Variants in RABGEF1 observed in about 807,000 individuals in gnomAD.
The protein encoded by RABGEF1 is rab5 GDP/GTP exchange factor.
A neutral mutation model predicts 57.3 loss-of-function variants in RABGEF1; 26 were observed. That is an observed-to-expected ratio of 0.45 (90% CI 0.33 to 0.63). The LOEUF is 0.63. RABGEF1 is among the 20% of genes least tolerant of loss of function. The pLI, the probability that RABGEF1 is intolerant of heterozygous loss-of-function variation, is 0.02. For synonymous variants in RABGEF1, 185 were observed against 210.7 expected, an observed-to-expected ratio of 0.88 and a Z score of 1.06; for missense variants, 464 against 607.6, an observed-to-expected ratio of 0.76 and a Z score of 2.48.
At chr7:66,734,652 C>T (rs1297553653) in intron 2 of RABGEF1, among the ~76,000 whole-genome samples, 2 of 148,092 alleles carry the variant, frequency 1.4e-5, no homozygotes, top group African/African-American at 2.5e-5. Flanking sequence ...AGGCTGGTCT[C>T]GAACTCCTGA....
rs190683931 is a variant in RABGEF1 at position 66,788,824 on chromosome 7, G to A, written c.513+4983G>A. 5.9e-4 allele frequency among the ~76,000 whole-genome samples: 90 copies of A among 152,038 alleles called. 2 individuals are homozygous for A. The East Asian group carries it at 0.016, about 27-fold the overall frequency. Reference sequence around the variant, plus strand: ...CAAAAAATTAGCTGGGCGTGGTGGCGGGTGCCTGTAATCCCAGCTACTAGG... The same window carrying A: ...CAAAAAATTAGCTGGGCGTGGTGGCAGGTGCCTGTAATCCCAGCTACTAGG... On this transcript the variant is annotated intron_variant, in intron 4 of 8. Transcript: ENST00000284957.
intron 1 of RABGEF1, among the ~76,000 whole-genome samples, chr7:66,685,326 T>C (rs1324180669): frequency 6.6e-6 from 1 of 151,932 alleles, no homozygotes; most frequent in East Asian, 1.9e-4. Flanking sequence ...GCTAATTACT[T>C]CTGTCTTGTA....
At chr7:66,798,865 G>A (rs1786646965) in intron 6 of RABGEF1, among the ~76,000 whole-genome samples, 1 of 152,206 alleles carries the variant, frequency 6.6e-6, no homozygotes, top group African/African-American at 2.4e-5. Flanking sequence ...GGGAGCCTGA[G>A]GCAGGAGAAT....
At chr7:66,658,976 C>T in the RABGEF1 span, among the ~76,000 whole-genome samples, 2 of 152,038 alleles carry the variant, frequency 1.3e-5, no homozygotes, top group Non-Finnish European at 2.9e-5. Flanking sequence ...ACCTCATGAT[C>T]CGCCTGCCTT....
intron 2 of RABGEF1, among the ~76,000 whole-genome samples, chr7:66,732,570 T>C (rs1276242481): frequency 1.3e-5 from 2 of 152,022 alleles, no homozygotes; most frequent in Admixed American, 6.6e-5. Context: ...GGGTGTCTCA[T>C]CTCAGCAGGT....
At chr7:66,718,085 GGT>G (rs1410444592) in intron 2 of RABGEF1, among the ~76,000 whole-genome samples, 11 of 152,094 alleles carry the variant, frequency 7.2e-5, no homozygotes, top group Non-Finnish European at 1.3e-4. Flanking sequence ...GGCCAGGCAT[GGT>G]GGCCCAGCAC....
chr7:66,678,224 C>T (rs1223786343), upstream of RABGEF1, among the ~76,000 whole-genome samples: 1 of 152,116 alleles, frequency 6.6e-6, no homozygotes, highest in Non-Finnish European at 1.5e-5. Flanking sequence ...CCTGCCCCTC[C>T]CATCCTGCTG....
upstream of RABGEF1, among the ~76,000 whole-genome samples, chr7:66,681,754 CAG>C (rs1244010224): frequency 5.9e-5 from 9 of 152,196 alleles, no homozygotes; most frequent in Non-Finnish European, 1.2e-4. Flanking sequence ...AGGACTGAAA[CAG>C]AGTTTCTGAA....
At chr7:66,753,700 C>CTTTTTTTTTTT (rs1562788670) in intron 1 of RABGEF1, among the ~76,000 whole-genome samples, 22 of 78,540 alleles carry the variant, frequency 2.8e-4, no homozygotes, top group South Asian at 1.2e-3. Context: ...ATTTTGCCAT[C>CTTTTTTTTTTT]GTTTTTTTTT....
chr7:66,769,275 T>C (rs1484659406), intron 1 of RABGEF1, among the ~76,000 whole-genome samples: 2 of 152,346 alleles, frequency 1.3e-5, no homozygotes, highest in East Asian at 1.9e-4. Flanking sequence ...CCAGATTTGA[T>C]AGCTGGATGA....
At chr7:66,675,646 T>A in the RABGEF1 span, among the ~76,000 whole-genome samples, 1 of 152,136 alleles carries the variant, frequency 6.6e-6, no homozygotes, top group African/African-American at 2.4e-5. Flanking sequence ...ATAAAATTTT[T>A]CATGAACGAT....
chr7:66,792,690 A>T (rs1448959497), intron 4 of RABGEF1, among the ~76,000 whole-genome samples: 1 of 152,230 alleles, frequency 6.6e-6, no homozygotes, highest in African/African-American at 2.4e-5. Context: ...CTTTGCTCAC[A>T]GATAGGTAGA....
At chr7:66,794,669 A>G (rs1813584825) in intron 4 of RABGEF1, among the ~76,000 whole-genome samples, 1 of 152,200 alleles carries the variant, frequency 6.6e-6, no homozygotes, top group African/African-American at 2.4e-5. Flanking sequence ...GTGGCTAGCA[A>G]TAGATACTTA....
intron 1 of RABGEF1, among the ~76,000 whole-genome samples, chr7:66,705,604 A>G (rs960007113): frequency 2.6e-5 from 4 of 152,048 alleles, no homozygotes; most frequent in African/African-American, 7.2e-5. Context: ...AATTGCTTCA[A>G]TTATCTTTTA....
At chr7:66,741,036 G>A (rs890070791) in intron 1 of RABGEF1, among the ~76,000 whole-genome samples, 1 of 152,144 alleles carries the variant, frequency 6.6e-6, no homozygotes, top group Non-Finnish European at 1.5e-5. Flanking sequence ...CTCCGTCCCA[G>A]ACGCTAGTTG....
chr7:66,804,924 A>G (rs1423295350), intron 7 of RABGEF1, among the ~76,000 whole-genome samples: 7 of 152,082 alleles, frequency 4.6e-5, no homozygotes, highest in Non-Finnish European at 8.8e-5. Context: ...GATTAGAGAA[A>G]TGTGCTTGTA....
intron 4 of RABGEF1, among the ~76,000 whole-genome samples, chr7:66,785,066 G>A (rs1810845410): frequency 6.6e-6 from 1 of 152,128 alleles, no homozygotes; most frequent in Non-Finnish European, 1.5e-5. Flanking sequence ...TGTATAATAT[G>A]TTTTAGAAAA....
the RABGEF1 span, among the ~76,000 whole-genome samples, chr7:66,664,013 G>C: frequency 1.0e-3 from 158 of 151,148 alleles, no homozygotes; most frequent in African/African-American, 3.5e-3. Flanking sequence ...GGTGGAGGTT[G>C]CAGTGAGCCA....
At chr7:66,721,371 A>G (rs1413926098) in intron 2 of RABGEF1, among the ~76,000 whole-genome samples, 1 of 152,360 alleles carries the variant, frequency 6.6e-6, no homozygotes, top group East Asian at 1.9e-4. Context: ...GGAAGTCAGA[A>G]GTCCAAAGTC....
Sources: allele counts gnomAD v4.1 joint callset (sites outside exome capture counted in the v4.1 genomes callset), GRCh38; gene constraint gnomAD v4.1.1; transcripts MANE v1.5; gene names NCBI Gene and HGNC (gene_info 2026-07-23, HGNC 2026-07-21).